Variants in RGS6 observed in about 807,000 individuals in gnomAD.
RGS6 encodes the protein regulator of G protein signaling 6, also known as regulator of G-protein signaling 6.
Under a neutral mutation model 78.5 loss-of-function variants are expected in RGS6, and 30 were observed. The observed-to-expected ratio is 0.38, with a 90% CI of 0.29 to 0.52. The LOEUF is 0.52. Among genes scored for constraint, RGS6 ranks in the 20% least tolerant of loss-of-function variants. The pLI is 0.85. For missense variants in RGS6, 495 were observed against 609.7 expected (o/e 0.81, Z 1.98); for synonymous variants, 206 against 206.0 (o/e 1.00, Z 0.00).
chr14:72,269,836 G>A (rs1267511258), intron 2 of RGS6, among the ~76,000 whole-genome samples: 1 of 152,024 alleles, frequency 6.6e-6, no homozygotes, highest in Non-Finnish European at 1.5e-5. Context: ...AAAGTGCTGG[G>A]ATTACAGGTG....
chr14:72,500,382 A>C (rs2096708099), intron 13 of RGS6, among the ~76,000 whole-genome samples: 1 of 152,214 alleles, frequency 6.6e-6, no homozygotes, highest in Admixed American at 6.5e-5. Flanking sequence ...TGTTAGGAAA[A>C]AACAGGGTGG....
intron 2 of RGS6, among the ~76,000 whole-genome samples, chr14:72,051,431 A>C (rs2093234112): frequency 6.6e-6 from 1 of 152,202 alleles, no homozygotes; most frequent in South Asian, 2.1e-4. Context: ...CGAAATTGGT[A>C]AAGGAAAAAC....
chr14:72,000,808 G>T (rs890618573), intron 2 of RGS6, among the ~76,000 whole-genome samples: 1 of 152,160 alleles, frequency 6.6e-6, no homozygotes, highest in Non-Finnish European at 1.5e-5. Context: ...GGTCATGGGC[G>T]ACCCTGAGAG....
intron 1 of RGS6, among the ~76,000 whole-genome samples, chr14:71,935,942 C>T (rs2089086400): frequency 7.1e-6 from 1 of 141,440 alleles, no homozygotes; most frequent in African/African-American, 2.7e-5. Context: ...ATGATGCTGA[C>T]TGCTGGTTTG....
At chr14:72,032,877 C>T (rs1056129105) in intron 2 of RGS6, among the ~76,000 whole-genome samples, 1 of 152,108 alleles carries the variant, frequency 6.6e-6, no homozygotes. Flanking sequence ...TAGGTTACTT[C>T]TACGAACTTG....
intron 2 of RGS6, among the ~76,000 whole-genome samples, chr14:72,160,450 A>C (rs957812862): frequency 2.6e-5 from 4 of 152,196 alleles, no homozygotes; most frequent in African/African-American, 9.7e-5. Context: ...TATTAAGTGG[A>C]GAAAAACTCA....
rs143257716 is a variant in RGS6 at position 72,293,052 on chromosome 14, C to T, written c.85-59043C>T. Among the ~76,000 whole-genome samples the T allele has an allele frequency of 2.6e-4, 40 of 152,264 alleles. 1 individual carries two copies. In the East Asian group the frequency reaches 7.3e-3, roughly 28 times the overall value. ...TCTAAGAATTTCATCCCTTTCTAACCGCTCCTCTGCCAAAACAGAAACCAA... is the reference window on the plus strand; with the variant it reads ...TCTAAGAATTTCATCCCTTTCTAACTGCTCCTCTGCCAAAACAGAAACCAA... On this transcript the variant is annotated intron_variant, in intron 2 of 17. Coordinates refer to ENST00000553525, the MANE Select transcript of RGS6 (RefSeq NM_001204424.2).
rs541942248 is a variant in RGS6, at chr14:72,455,748, C to T, written c.235+1170C>T. Among the ~76,000 whole-genome samples, 3 of 152,256 alleles carry T rather than the reference C, an allele frequency of 2.0e-5. No homozygotes were observed. In the East Asian group the frequency reaches 5.8e-4, roughly 29 times the overall value. ...CCAAAGCAACTCACTATGTGTTGTC[C>T]CTGATGCAGCCTGTACTTCTGAGTG... On this transcript the variant is annotated intron_variant, in intron 4 of 17. Coordinates refer to ENST00000553525, the MANE Select transcript of RGS6 (RefSeq NM_001204424.2).
chr14:72,327,571 C>G (rs1052274158), intron 2 of RGS6, among the ~76,000 whole-genome samples: 2 of 152,222 alleles, frequency 1.3e-5, no homozygotes, highest in African/African-American at 4.8e-5. Flanking sequence ...CATCACCAGT[C>G]AGGTGTACTT....
At chr14:72,038,058 C>T (rs1380154975) in intron 2 of RGS6, among the ~76,000 whole-genome samples, 1 of 151,964 alleles carries the variant, frequency 6.6e-6, no homozygotes, top group Non-Finnish European at 1.5e-5. Context: ...CAACCTCTGC[C>T]TCCCAGGTTC....
In RGS6 at chr14:72,365,782, T is replaced by A. The variant is rs546470415; in HGVS notation, c.184+13588T>A. Among the ~76,000 whole-genome samples the A allele has an allele frequency of 2.4e-4, 37 of 152,256 alleles. No homozygotes were observed. In the South Asian group the frequency reaches 3.9e-3, roughly 16 times the overall value. On this transcript the variant is annotated intron_variant, in intron 3 of 17. Transcript: ENST00000553525. ...AATAAATTTAAATAAATACATTGAA[T>A]AAAAATAACCTATATTCATCTAACC...
intron 2 of RGS6, among the ~76,000 whole-genome samples, chr14:72,259,045 A>C (rs2057622686): frequency 6.6e-6 from 1 of 152,144 alleles, no homozygotes; most frequent in Non-Finnish European, 1.5e-5. Flanking sequence ...TAACAGAGAG[A>C]GACCACCCTC....
At chr14:71,958,631 T>A (rs574474143) in intron 1 of RGS6, among the ~76,000 whole-genome samples, 1 of 135,858 alleles carries the variant, frequency 7.4e-6, no homozygotes, top group African/African-American at 2.9e-5. Flanking sequence ...TCATTGAGTT[T>A]TTGCCTTAAT....
chr14:72,221,603 T>C (rs1487235302), intron 2 of RGS6, among the ~76,000 whole-genome samples: 1 of 152,200 alleles, frequency 6.6e-6, no homozygotes, highest in Admixed American at 6.5e-5. Flanking sequence ...ACAATCACTT[T>C]TACTTTTTTT....
the RGS6 span, among the ~76,000 whole-genome samples, chr14:72,614,298 A>T: frequency 1.3e-5 from 2 of 152,202 alleles, no homozygotes; most frequent in Non-Finnish European, 2.9e-5. Context: ...GGCCTGAGGC[A>T]AATTAAAACA....
chr14:72,616,904 G>A, the RGS6 span, among the ~76,000 whole-genome samples: 1 of 152,184 alleles, frequency 6.6e-6, no homozygotes, highest in South Asian at 2.1e-4. Context: ...AAGCTGGCTT[G>A]CTATCCCCGC....
At chr14:72,319,440 C>G (rs1225475034) in intron 2 of RGS6, among the ~76,000 whole-genome samples, 1 of 151,754 alleles carries the variant, frequency 6.6e-6, no homozygotes, top group African/African-American at 2.4e-5. Flanking sequence ...ACCTCCACCT[C>G]CCGGGTTCAC....
chr14:72,007,478 C>T (rs1400662307), intron 2 of RGS6, among the ~76,000 whole-genome samples: 2 of 152,198 alleles, frequency 1.3e-5, no homozygotes, highest in East Asian at 3.8e-4. Flanking sequence ...CAACCCTTGG[C>T]CCGCCGGCTG....
At chr14:72,394,540 T>C (rs987422369) in intron 3 of RGS6, among the ~76,000 whole-genome samples, 14 of 152,200 alleles carry the variant, frequency 9.2e-5, no homozygotes, top group Non-Finnish European at 1.5e-4. Flanking sequence ...GGGATGTTCC[T>C]TGCTGAGAAA....
Sources: gnomAD v4.1 joint callset for allele counts (sites outside exome capture counted in the v4.1 genomes callset) on GRCh38, gnomAD v4.1.1 for gene constraint, MANE v1.5 for transcripts, NCBI Gene and HGNC (gene_info 2026-07-23, HGNC 2026-07-21) for gene names.